The following GALNT18 variants were observed in gnomAD, a reference collection of about 807,000 sequenced individuals.
GALNT18 encodes the protein polypeptide N-acetylgalactosaminyltransferase 18.
Under a neutral mutation model 69.5 loss-of-function variants are expected in GALNT18, and 44 were observed. The ratio of observed to expected loss-of-function variants is 0.63; its 90% CI spans 0.50 to 0.81. GALNT18 has a LOEUF of 0.81. Among genes scored for constraint, GALNT18 ranks in the 40% least tolerant of loss-of-function variants. The pLI is 0.00. For synonymous variants in GALNT18, 364 were observed against 318.2 expected (o/e 1.14, Z -1.53); for missense variants, 715 against 810.0 (o/e 0.88, Z 1.42).
chr11:11,535,010 G>C (rs182905239), intron 1 of GALNT18, among the ~76,000 whole-genome samples: 1 of 152,376 alleles, frequency 6.6e-6, no homozygotes, highest in Non-Finnish European at 1.5e-5. Context: ...CTGTCTTGCT[G>C]AGTGACCACA....
chr11:11,279,183 C>A (rs1256360451), intron 10 of GALNT18, among the ~76,000 whole-genome samples: 2 of 152,198 alleles, frequency 1.3e-5, no homozygotes, highest in African/African-American at 4.8e-5. Flanking sequence ...CATCTTGTGA[C>A]CTGCAAGCTC....
At chr11:11,278,831 TTAAAA>T (rs1241115493) in intron 10 of GALNT18, among the ~76,000 whole-genome samples, 28 of 152,252 alleles carry the variant, frequency 1.8e-4, no homozygotes, top group South Asian at 6.2e-4. Context: ...ATTGTATACT[TTAAAA>T]TAACTAAAAG....
intron 9 of GALNT18, among the ~76,000 whole-genome samples, chr11:11,300,942 C>T (rs1849483341): frequency 6.6e-6 from 1 of 152,188 alleles, no homozygotes. Flanking sequence ...AATGTTGGCG[C>T]AACACACACC....
intron 10 of GALNT18, among the ~76,000 whole-genome samples, chr11:11,291,744 G>A (rs961371856): frequency 1.3e-5 from 2 of 152,108 alleles, no homozygotes; most frequent in Non-Finnish European, 2.9e-5. Context: ...CAAAGCCCTG[G>A]TTTAGGCTCT....
rs765810182 is a variant in GALNT18 at position 11,271,297 on chromosome 11, G to C, written c.1678-7C>G. 3.7e-6 allele frequency: 6 copies of C among 1,612,404 alleles called. No individual in the cohort carries two copies. The highest frequency in any genetic ancestry group is 1.7e-5 in the Admixed American group (1 of 59,978). ...GGTTCTGGATGGGTCCTCCCTAGGG[G>C]CCAGGGCAGACAGTGGGGTCAGAGG... On this transcript the variant is annotated splice_polypyrimidine_tract_variant and splice_region_variant and intron_variant, in intron 10 of 10. Transcript: ENST00000227756.
intron 3 of GALNT18, among the ~76,000 whole-genome samples, chr11:11,428,431 C>T (rs538551263): frequency 5.9e-5 from 9 of 152,360 alleles, no homozygotes; most frequent in Admixed American, 1.3e-4. Flanking sequence ...GTCTGGCCTC[C>T]GCTCTGGCCC....
intron 10 of GALNT18, among the ~76,000 whole-genome samples, chr11:11,274,101 C>T (rs2132973903): frequency 6.6e-6 from 1 of 152,256 alleles, no homozygotes; most frequent in South Asian, 2.1e-4. Flanking sequence ...CTCCCTTCCC[C>T]AGCCAAGGAA....
intron 2 of GALNT18, among the ~76,000 whole-genome samples, chr11:11,446,550 C>G (rs944112300): frequency 4.6e-5 from 7 of 152,122 alleles, no homozygotes; most frequent in Non-Finnish European, 1.0e-4. Flanking sequence ...GGAGTGGTCT[C>G]TGCAGCTCCT....
intron 1 of GALNT18, among the ~76,000 whole-genome samples, chr11:11,608,347 G>T (rs937138035): frequency 6.6e-6 from 1 of 151,956 alleles, no homozygotes; most frequent in Admixed American, 6.6e-5. Context: ...GGGGGTGCTC[G>T]CCTGTCTTTT....
chr11:11,364,439 A>G lies in GALNT18; in HGVS notation c.1092+8076T>C, dbSNP rs115458086. 7.3e-3 allele frequency among the ~76,000 whole-genome samples: 1,110 copies of G among 152,320 alleles called. 15 individuals carry two copies. Among genetic ancestry groups the G allele is most frequent in the African/African-American group, 0.025 (1,060 of 41,574 alleles). On this transcript the variant is annotated intron_variant, in intron 6 of 10. Coordinates refer to ENST00000227756, the MANE Select transcript of GALNT18 (RefSeq NM_198516.3). The stretch of plus-strand genomic sequence containing the variant: ...TTAACTACCAATTTAGATGAAATGT[A>G]TGGGACAGAAGGACCTGTTAAATGA...
intron 10 of GALNT18, among the ~76,000 whole-genome samples, chr11:11,272,337 G>A (rs987718868): frequency 6.6e-6 from 1 of 152,090 alleles, no homozygotes; most frequent in African/African-American, 2.4e-5. Flanking sequence ...CCTGGTTCAG[G>A]CCACCAACTT....
intron 3 of GALNT18, among the ~76,000 whole-genome samples, chr11:11,397,946 A>G (rs1854373003): frequency 6.6e-6 from 1 of 152,346 alleles, no homozygotes; most frequent in Middle Eastern, 3.4e-3. Context: ...CTCAGCTTCC[A>G]TTCAGCCGCT....
intron 10 of GALNT18, among the ~76,000 whole-genome samples, chr11:11,281,753 T>C (rs1317121692): frequency 1.3e-5 from 2 of 151,958 alleles, no homozygotes; most frequent in African/African-American, 4.8e-5. Context: ...AGAAGTGCGG[T>C]GACCCTGGGC....
rs548055228 is a variant in GALNT18 at position 11,408,771 on chromosome 11, C to T, written c.595+23850G>A. 2.6e-5 allele frequency among the ~76,000 whole-genome samples: 4 copies of T among 152,256 alleles called. No homozygotes were observed. In the East Asian group the frequency reaches 7.7e-4, roughly 29 times the overall value. Reference sequence around the variant, plus strand: ...TCAGTTTCCATGGCGTCTGGAGCCTCCACCCTCACCCCTGACCATAAGTTC... The same window carrying T: ...TCAGTTTCCATGGCGTCTGGAGCCTTCACCCTCACCCCTGACCATAAGTTC... On this transcript the variant is annotated intron_variant, in intron 3 of 10. Transcript: ENST00000227756.
At chr11:11,554,240 C>T (rs1858274436) in intron 1 of GALNT18, among the ~76,000 whole-genome samples, 1 of 152,164 alleles carries the variant, frequency 6.6e-6, no homozygotes, top group South Asian at 2.1e-4. Context: ...AATGCCCTTC[C>T]TTACATCTCA....
Position 11,496,263 on chromosome 11 carries a change from G to A in GALNT18, c.236-47327C>T, listed in dbSNP as rs113983982. Among the ~76,000 whole-genome samples, 4,617 of 152,240 alleles carry A rather than the reference G, an allele frequency of 0.03. 151 individuals are homozygous for A. The highest frequency in any genetic ancestry group is 0.088 in the African/African-American group (3,642 of 41,516). ...TGACTTCATTTGATTGCAACCCTCT[G>A]CCTGAAAAATGACAGGCCCCTCTTC... On this transcript the variant is annotated intron_variant, in intron 1 of 10. Coordinates refer to ENST00000227756, the MANE Select transcript of GALNT18 (RefSeq NM_198516.3). This position sits in a 1 kb window ranked among gnomAD's most constrained non-coding sequence, Gnocchi z 4.0.
chr11:11,618,420 T>G lies in GALNT18; in HGVS notation c.235+2939A>C, dbSNP rs774916728. Among the ~76,000 whole-genome samples, 4 of 152,266 alleles carry G rather than the reference T, an allele frequency of 2.6e-5. No individual in the cohort carries two copies. The highest frequency in any genetic ancestry group is 5.9e-5 in the Non-Finnish European group (4 of 68,038). On this transcript the variant is annotated intron_variant, in intron 1 of 10. Transcript: ENST00000227756. This position sits in a 1 kb window ranked among gnomAD's most constrained non-coding sequence, Gnocchi z 6.1. ...GTTCAGTAAACATTAGTTAAAGGAC[T>G]GGAACCTCTGCCTCTTGGCATGAAA...
chr11:11,467,132 T>A (rs1048257554), intron 1 of GALNT18, among the ~76,000 whole-genome samples: 1 of 152,114 alleles, frequency 6.6e-6, no homozygotes, highest in East Asian at 1.9e-4. Context: ...GGGGAGAAGA[T>A]AGACATCACC....
chr11:11,464,673 C>A (rs1213325640), intron 1 of GALNT18, among the ~76,000 whole-genome samples: 2 of 152,148 alleles, frequency 1.3e-5, no homozygotes, highest in Non-Finnish European at 2.9e-5. Flanking sequence ...TAATATGCAT[C>A]AAGATACAGC....
Sources: gnomAD v4.1 joint callset for allele counts (sites outside exome capture counted in the v4.1 genomes callset) on GRCh38, gnomAD v4.1.1 for gene constraint, Gnocchi (gnomAD v3.1) non-coding constraint, MANE v1.5 for transcripts, NCBI Gene and HGNC (gene_info 2026-07-23, HGNC 2026-07-21) for gene names.